PCDH15: variants seen among roughly 807,000 people sequenced by gnomAD.
PCDH15 encodes the protein protocadherin related 15.
Under a neutral mutation model 178.5 loss-of-function variants are expected in PCDH15, and 129 were observed. The ratio of observed to expected loss-of-function variants is 0.72; its 90% confidence interval spans 0.63 to 0.84. PCDH15 has a LOEUF of 0.84. Ranked by LOEUF, PCDH15 falls within the 40% of genes least tolerant of loss-of-function variation. The pLI, the probability that PCDH15 is intolerant of heterozygous loss-of-function variation, is 0.00. For synonymous variants in PCDH15, 800 were observed against 732.0 expected, an observed-to-expected ratio of 1.09 and a Z score of -1.50; for missense variants, 2,230 against 2,099.9, an observed-to-expected ratio of 1.06 and a Z score of -1.21.
chr10:55,206,071 G>A (rs192747479), intron 1 of PCDH15, among the ~76,000 whole-genome samples: 27 of 152,078 alleles, frequency 1.8e-4, no homozygotes, highest in African/African-American at 6.3e-4. Flanking sequence ...TGGGAAGTAT[G>A]GGAGCTACAA....
chr10:54,404,418 G>T (rs1952351001), intron 3 of PCDH15, among the ~76,000 whole-genome samples: 1 of 151,930 alleles, frequency 6.6e-6, no homozygotes, highest in African/African-American at 2.4e-5. Context: ...CAATCAATGG[G>T]GAAAGGACTC....
chr10:55,293,073 A>G lies in PCDH15; in HGVS notation c.-156+26526T>C, dbSNP rs377632874. ...TCTGCCTGGGCATCCAGGCATTTCCATACATCCTCTGAAGTCTAGGGGTAG... is the reference window on the plus strand; with the variant it reads ...TCTGCCTGGGCATCCAGGCATTTCCGTACATCCTCTGAAGTCTAGGGGTAG... On this transcript the variant is annotated intron_variant, in intron 1 of 5. Transcript: ENST00000458638. 2.4e-3 allele frequency among the ~76,000 whole-genome samples: 359 copies of G among 152,220 alleles called. 4 individuals carry two copies. The highest frequency in any genetic ancestry group is 8.4e-3 in the African/African-American group (347 of 41,544).
At chr10:54,858,236 C>A (rs1953775361) in intron 3 of PCDH15, among the ~76,000 whole-genome samples, 1 of 152,126 alleles carries the variant, frequency 6.6e-6, no homozygotes. Flanking sequence ...TTGTAAATGA[C>A]AATTTCCTTC....
chr10:55,468,342 C>A (rs1376427190), intron 2 of PCDH15: 1 of 152,106 alleles, frequency 6.6e-6, no homozygotes, highest in Non-Finnish European at 1.5e-5. Flanking sequence ...ACTTTGATTT[C>A]TTTTCAATCA....
At chr10:55,548,187 C>A (rs1169555866) in intron 2 of PCDH15, among the ~76,000 whole-genome samples, 1 of 149,086 alleles carries the variant, frequency 6.7e-6, no homozygotes, top group Non-Finnish European at 1.5e-5. Context: ...CTGCTCCTGC[C>A]AAACCCTCTC....
rs183546135 is a variant in PCDH15 at position 54,867,827 on chromosome 10, T to C, written c.-29+29623A>G. On this transcript the variant is annotated intron_variant, in intron 3 of 5. Coordinates refer to the PCDH15 transcript ENST00000458638. ...ATACCTAGTCCAATACTTTGTCCTC[T>C]AGCTCAGCAGTGTGATGGAGGTTCC... is the stretch of plus-strand genomic sequence containing the variant. 2.5e-3 allele frequency among the ~76,000 whole-genome samples: 381 copies of C among 152,248 alleles called. 2 individuals carry two copies. Among genetic ancestry groups the C allele is most frequent in the African/African-American group, 8.9e-3 (368 of 41,548 alleles).
intron 6 of PCDH15, among the ~76,000 whole-genome samples, chr10:54,341,012 C>T (rs895409966): frequency 2.0e-5 from 3 of 152,144 alleles, no homozygotes; most frequent in African/African-American, 4.8e-5. Flanking sequence ...TGCTGATCAC[C>T]AGCTTCAAGT....
chr10:55,483,056 C>T (rs1352233648), intron 2 of PCDH15, among the ~76,000 whole-genome samples: 1 of 151,604 alleles, frequency 6.6e-6, no homozygotes, highest in Non-Finnish European at 1.5e-5. Context: ...AATGTAAAAC[C>T]CATTCAGGAC....
intron 3 of PCDH15, among the ~76,000 whole-genome samples, chr10:54,833,782 T>C (rs1236018615): frequency 6.6e-6 from 1 of 152,150 alleles, no homozygotes; most frequent in Non-Finnish European, 1.5e-5. Context: ...AGTCAATATA[T>C]TGTGAGTACC....
At chr10:53,851,007 A>C (rs1031952847) in intron 28 of PCDH15, among the ~76,000 whole-genome samples, 5 of 152,164 alleles carry the variant, frequency 3.3e-5, no homozygotes, top group African/African-American at 1.2e-4. Context: ...CAAGTGATCT[A>C]TCAGGTCCTA....
chr10:53,993,916 T>C (rs1297444903), intron 21 of PCDH15, among the ~76,000 whole-genome samples: 5 of 152,196 alleles, frequency 3.3e-5, no homozygotes, highest in Admixed American at 1.3e-4. Context: ...ATGACTGGCA[T>C]CCACTTTCTA....
chr10:54,020,535 A>C, intron 19 of PCDH15, 119 bp from the exon 20 acceptor site: 2 of 1,009,190 alleles, frequency 2.0e-6, no homozygotes, highest in Middle Eastern at 2.1e-4. Flanking sequence ...ACAAAAAGAC[A>C]CGTTTTTTGT....
intron 1 of PCDH15, among the ~76,000 whole-genome samples, chr10:54,673,037 A>G (rs1002846029): frequency 1.3e-5 from 2 of 152,150 alleles, no homozygotes; most frequent in African/African-American, 4.8e-5. Context: ...ATCTGCTTGC[A>G]TTTAAACAAT....
At chr10:55,553,153 G>A (rs1392108189) in intron 2 of PCDH15, among the ~76,000 whole-genome samples, 2 of 150,972 alleles carry the variant, frequency 1.3e-5, no homozygotes, top group East Asian at 3.9e-4. Flanking sequence ...AATAAGTGAT[G>A]GTTAGATTCT....
chr10:55,461,879 T>C (rs1181953808), intron 2 of PCDH15, among the ~76,000 whole-genome samples: 1 of 152,126 alleles, frequency 6.6e-6, no homozygotes, highest in Admixed American at 6.6e-5. Context: ...TTATCATTCA[T>C]CTGGTTGAAA....
At chr10:53,872,322 C>T (rs1024005908) in intron 26 of PCDH15, among the ~76,000 whole-genome samples, 6 of 152,064 alleles carry the variant, frequency 3.9e-5, no homozygotes, top group East Asian at 1.9e-4. Flanking sequence ...GGAGATATTC[C>T]GCTTAAAGAA....
At chr10:54,825,813 G>T (rs143142213) in intron 3 of PCDH15, among the ~76,000 whole-genome samples, 55 of 152,132 alleles carry the variant, frequency 3.6e-4, no homozygotes, top group African/African-American at 1.3e-3. Context: ...CACTTAATAT[G>T]TTCCTTTTTC....
intron 21 of PCDH15, among the ~76,000 whole-genome samples, chr10:53,969,521 C>A (rs1479674437): frequency 6.6e-6 from 1 of 152,142 alleles, no homozygotes; most frequent in South Asian, 2.1e-4. Flanking sequence ...CACAAAGATA[C>A]TCCTCAAGAA....
chr10:54,384,561 G>A (rs1338635158), intron 3 of PCDH15, among the ~76,000 whole-genome samples: 3 of 151,998 alleles, frequency 2.0e-5, no homozygotes, highest in African/African-American at 4.8e-5. Context: ...ATCCTCTTGG[G>A]TATGCTTGCC....
Sources: gnomAD v4.1 joint callset for allele counts (sites outside exome capture counted in the v4.1 genomes callset) on GRCh38, gnomAD v4.1.1 for gene constraint, MANE v1.5 for transcripts, NCBI Gene and HGNC (gene_info 2026-07-23, HGNC 2026-07-21) for gene names.